SND1: variants seen among roughly 807,000 people sequenced by gnomAD.
SND1 encodes staphylococcal nuclease domain-containing protein 1.
In SND1, 38 loss-of-function variants were observed where a neutral mutation model predicts 121.7. The ratio of observed to expected loss-of-function variants is 0.31; its 90% CI spans 0.24 to 0.41. The LOEUF (loss-of-function observed/expected upper bound fraction) is 0.41, where lower values mean the gene tolerates loss of function less well. Among genes scored for constraint, SND1 ranks in the 10% least tolerant of loss-of-function variants. SND1 has a pLI of 1.00. For synonymous variants in SND1, 401 were observed against 447.4 expected, an observed-to-expected ratio of 0.90 and a Z score of 1.31; for missense variants, 868 against 1,184.6, an observed-to-expected ratio of 0.73 and a Z score of 3.92.
At chr7:127,882,267 A>T (rs938045028) in intron 12 of SND1, among the ~76,000 whole-genome samples, 24 of 151,214 alleles carry the variant, frequency 1.6e-4, no homozygotes, top group South Asian at 2.1e-4. Flanking sequence ...TATATATGTT[A>T]AAAAAAGGAA....
chr7:128,020,871 A>G (rs1207256716), intron 16 of SND1, among the ~76,000 whole-genome samples: 1 of 152,200 alleles, frequency 6.6e-6, no homozygotes, highest in Non-Finnish European at 1.5e-5. Context: ...ACATGCACAC[A>G]GCACCTCCAG....
At chr7:127,700,944 TCTTA>T (rs1796089611) in intron 4 of SND1, among the ~76,000 whole-genome samples, 1 of 152,204 alleles carries the variant, frequency 6.6e-6, no homozygotes, top group South Asian at 2.1e-4. Context: ...CATTAAATAC[TCTTA>T]CTATTTAACC....
At chr7:127,899,372 G>T (rs993639303) in intron 13 of SND1, among the ~76,000 whole-genome samples, 1 of 152,012 alleles carries the variant, frequency 6.6e-6, no homozygotes, top group East Asian at 1.9e-4. Context: ...ACTATTTTAC[G>T]ATTGTAGTGA....
intron 12 of SND1, among the ~76,000 whole-genome samples, chr7:127,875,130 C>T (rs919139844): frequency 6.6e-6 from 1 of 152,138 alleles, no homozygotes; most frequent in Non-Finnish European, 1.5e-5. Context: ...GGATTAGTTT[C>T]TCTCTATGGA....
At chr7:128,026,552 T>G (rs1033247209) in intron 16 of SND1, among the ~76,000 whole-genome samples, 2 of 152,222 alleles carry the variant, frequency 1.3e-5, no homozygotes, top group African/African-American at 4.8e-5. Context: ...TATTACTTGG[T>G]AAGCATCAGG....
At chr7:127,892,877 G>A (rs1223839605) in intron 13 of SND1, among the ~76,000 whole-genome samples, 1 of 146,284 alleles carries the variant, frequency 6.8e-6, no homozygotes, top group Non-Finnish European at 1.5e-5. Flanking sequence ...CTTTTTAGAA[G>A]CATCATATGG....
Position 127,797,993 on chromosome 7 carries a change from C to T in SND1, c.1153-9491C>T, listed in dbSNP as rs79576511. Among the ~76,000 whole-genome samples, 849 of 152,256 alleles carry T rather than the reference C, an allele frequency of 5.6e-3. 7 individuals are homozygous for T. Among genetic ancestry groups the T allele is most frequent in the African/African-American group, 0.019 (803 of 41,550 alleles). ...TCTGAGCAATAAATAGCAAGTGCTT[C>T]TGAAATACTCTTAGTTGGCTAATGT... On this transcript the variant is annotated intron_variant, in intron 10 of 23. Transcript: ENST00000354725.
intron 10 of SND1, among the ~76,000 whole-genome samples, chr7:127,746,106 T>C (rs1240517438): frequency 1.3e-5 from 2 of 152,156 alleles, no homozygotes; most frequent in Non-Finnish European, 2.9e-5. Flanking sequence ...ATGTGACTTG[T>C]GTGTGTCAGT....
chr7:127,763,715 C>T (rs1309552033), intron 10 of SND1, among the ~76,000 whole-genome samples: 1 of 151,878 alleles, frequency 6.6e-6, no homozygotes, highest in Non-Finnish European at 1.5e-5. Context: ...TATTTACTAA[C>T]TTAGTTTTTG....
intron 12 of SND1, among the ~76,000 whole-genome samples, chr7:127,868,542 G>C (rs111239412): frequency 6.6e-6 from 1 of 152,100 alleles, no homozygotes; most frequent in East Asian, 1.9e-4. Flanking sequence ...TTATTTCTAG[G>C]CTTGGCTAAG....
At chr7:127,913,879 C>T (rs1467846511) in intron 14 of SND1, among the ~76,000 whole-genome samples, 2 of 152,166 alleles carry the variant, frequency 1.3e-5, no homozygotes, top group Non-Finnish European at 2.9e-5. Flanking sequence ...CTAACATAGA[C>T]ATTCTGCTTA....
chr7:127,908,274 A>T (rs146027191), intron 14 of SND1, among the ~76,000 whole-genome samples: 107 of 150,864 alleles, frequency 7.1e-4, no homozygotes, highest in Non-Finnish European at 1.0e-4. Flanking sequence ...TCTTGTAGTC[A>T]GTGTAGTGAG....
intron 16 of SND1, among the ~76,000 whole-genome samples, chr7:128,031,238 G>C (rs1013501829): frequency 6.6e-6 from 1 of 150,392 alleles, no homozygotes; most frequent in African/African-American, 2.4e-5. Flanking sequence ...TTTGTCCTTG[G>C]ACCCTGGCAC....
chr7:127,686,724 G>C lies in SND1; in HGVS notation c.190G>C (p.Ala64Pro), dbSNP rs1186406725. 2 of 1,614,152 alleles carry C rather than the reference G, an allele frequency of 1.2e-6. No homozygotes were observed. Among genetic ancestry groups the C allele is most frequent in the Non-Finnish European group, 1.7e-6 (2 of 1,180,012 alleles). The stretch of plus-strand genomic sequence containing the variant: ...TGCTGGAAATCTTGCTCGCCGGGCA[G>C]CCGCCACACAACCTGATGCAAAGGA... ...IRAGNLARRA[A>P]ATQPDAKDTP... The change falls in exon 2 of 24, where the codon GCC becomes CCC. Residue 64 changes from alanine to proline, a missense_variant. Physicochemically the swap from Ala to Pro is conservative, Grantham distance 27. Coordinates refer to ENST00000354725, the MANE Select transcript of SND1 (RefSeq NM_014390.4).
intron 1 of SND1, 110 bp from the exon 2 acceptor site, chr7:127,686,503 C>CTTTGAAGTGCAAATGCTA: frequency 8.3e-7 from 1 of 1,210,014 alleles, no homozygotes; most frequent in Non-Finnish European, 1.2e-6. Context: ...CTTTGCATGC[C>CTTTGAAGTGCAAATGCTA]TTTGAAGTGC....
At chr7:127,789,359 T>TA (rs1481011993) in intron 10 of SND1, among the ~76,000 whole-genome samples, 1 of 152,224 alleles carries the variant, frequency 6.6e-6, no homozygotes, top group Non-Finnish European at 1.5e-5. Flanking sequence ...CAAACCTTTT[T>TA]AAAAAATTCA....
chr7:127,906,692 G>A (rs1287902632), intron 14 of SND1, among the ~76,000 whole-genome samples: 2 of 152,206 alleles, frequency 1.3e-5, no homozygotes, highest in African/African-American at 4.8e-5. Context: ...TTCTGATTTG[G>A]CACCAACAGT....
chr7:127,817,018 G>C (rs1035791415), intron 11 of SND1, among the ~76,000 whole-genome samples: 2 of 152,106 alleles, frequency 1.3e-5, no homozygotes, highest in Non-Finnish European at 2.9e-5. Flanking sequence ...CTGTGCCAAG[G>C]CATTGGGGAT....
chr7:127,773,469 C>T (rs866885913), intron 10 of SND1, among the ~76,000 whole-genome samples: 131 of 150,484 alleles, frequency 8.7e-4, no homozygotes, highest in African/African-American at 3.0e-3. Context: ...AAAAAAAATT[C>T]TTATTAATGA....
Sources: gnomAD v4.1 joint callset for allele counts (sites outside exome capture counted in the v4.1 genomes callset) on GRCh38, gnomAD v4.1.1 for gene constraint, MANE v1.5 for transcripts, NCBI Gene and HGNC (gene_info 2026-07-23, HGNC 2026-07-21) for gene names.